The following SPECC1L variants were observed in gnomAD, a reference collection of about 807,000 sequenced individuals.
SPECC1L encodes the protein cytospin-A.
In SPECC1L, 40 loss-of-function variants were observed where a neutral mutation model predicts 116.8. The observed-to-expected ratio is 0.34, with a 90% CI of 0.27 to 0.45. The LOEUF is 0.45. Among genes scored for constraint, SPECC1L ranks in the 20% least tolerant of loss-of-function variants. The probability of loss-of-function intolerance (pLI) is 1.00; values close to 1 mark genes in which losing one functional copy is unlikely to be tolerated. For synonymous variants in SPECC1L, 504 were observed against 500.6 expected, an observed-to-expected ratio of 1.01 and a Z score of -0.09; for missense variants, 1,110 against 1,373.6, an observed-to-expected ratio of 0.81 and a Z score of 3.03.
intron 3 of SPECC1L, among the ~76,000 whole-genome samples, chr22:24,308,079 G>C (rs1376063907): frequency 6.6e-6 from 1 of 151,270 alleles, no homozygotes; most frequent in Non-Finnish European, 1.5e-5. Context: ...GGGGTGGGGG[G>C]GCTGTTTCAG....
intron 11 of SPECC1L, among the ~76,000 whole-genome samples, chr22:24,351,897 G>A (rs1273477305): frequency 6.6e-6 from 1 of 151,944 alleles, no homozygotes; most frequent in Admixed American, 6.6e-5. Context: ...CTGCCTCTTG[G>A]AGAATGGCGT....
Position 24,324,304 on chromosome 22 carries a change from G to A in SPECC1L, c.2023G>A (p.Asp675Asn). The A allele has an allele frequency of 6.2e-7, 1 of 1,614,028 alleles. No individual in the cohort carries two copies. Among genetic ancestry groups the A allele is most frequent in the Non-Finnish European group, 8.5e-7 (1 of 1,179,940 alleles). ...TATGACGTTAGAAAAATTAAGATCA[G>A]ACCTGGATGAAAAAGAAACAGAAAG... ...LNMTLEKLRS[D>N]LDEKETERSD... The change falls in exon 6 of 17, where the codon GAC (aspartate) becomes AAC (asparagine). Residue 675 changes from aspartate to asparagine, a missense_variant. Physicochemically the swap from Asp to Asn is conservative, Grantham distance 23. This residue lies in a region of SPECC1L where 575 missense variants were observed against 682.4 expected (regional missense o/e 0.84). Coordinates refer to ENST00000314328, the MANE Select transcript of SPECC1L (RefSeq NM_015330.6).
rs867684386 is a variant in SPECC1L, at chr22:24,317,079, G to A, written c.307+3613G>A. Among the ~76,000 whole-genome samples, 54 of 116,922 alleles carry A rather than the reference G, an allele frequency of 4.6e-4. 3 individuals are homozygous for A. Among genetic ancestry groups the A allele is most frequent in the African/African-American group, 1.5e-3 (49 of 33,244 alleles). 76.7% of individuals were successfully genotyped at this position (116,922 alleles called of 152,430 possible). A position where few individuals can be genotyped will look rare whatever the true frequency, so the allele number is the denominator to read the frequency against. On this transcript the variant is annotated intron_variant, in intron 4 of 16. Transcript: ENST00000314328. ...TCCCGGAGGGGGTGGCTGGCCGGGC[G>A]GTGGGGCTGACCCCCCCACCTCCCT...
intron 6 of SPECC1L, among the ~76,000 whole-genome samples, chr22:24,324,999 A>G (rs1352907427): frequency 1.3e-5 from 2 of 152,334 alleles, no homozygotes; most frequent in African/African-American, 4.8e-5. Context: ...ATGGGACTCA[A>G]AAGTTATGAA....
At chr22:24,339,483 G>A (rs1017250887) in intron 10 of SPECC1L, among the ~76,000 whole-genome samples, 4 of 152,234 alleles carry the variant, frequency 2.6e-5, no homozygotes, top group African/African-American at 7.2e-5. Context: ...GAGAAGCGGG[G>A]CAGAGGGCTA....
chr22:24,377,578 T>A (rs184544353), intron 14 of SPECC1L, among the ~76,000 whole-genome samples: 2 of 152,312 alleles, frequency 1.3e-5, no homozygotes, highest in East Asian at 3.9e-4. Flanking sequence ...CCTTTGTCAT[T>A]TGGTTAAAGT....
chr22:24,385,076 A>AT (rs2042136402), intron 14 of SPECC1L, among the ~76,000 whole-genome samples: 1 of 151,534 alleles, frequency 6.6e-6, no homozygotes, highest in Non-Finnish European at 1.5e-5. Context: ...AAAAAAAAAA[A>AT]GAAAAAAGAA....
intron 10 of SPECC1L, among the ~76,000 whole-genome samples, chr22:24,339,121 G>A (rs1569426513): frequency 6.6e-6 from 1 of 152,202 alleles, no homozygotes; most frequent in Non-Finnish European, 1.5e-5. Flanking sequence ...AGAGAAGGTG[G>A]GATGGGGCCT....
intron 16 of SPECC1L, 54 bp from the exon 17 acceptor site, chr22:24,414,480 G>T (rs1027059146): frequency 9.3e-6 from 14 of 1,502,186 alleles, no homozygotes; most frequent in Non-Finnish European, 1.3e-5. Flanking sequence ...GAGCCCATTG[G>T]CACAGCCTGG....
intron 4 of SPECC1L, among the ~76,000 whole-genome samples, chr22:24,319,995 T>C (rs2040688787): frequency 2.0e-5 from 3 of 152,240 alleles, no homozygotes; most frequent in African/African-American, 4.8e-5. Flanking sequence ...CTCACGCCTG[T>C]AAATTCAGTG....
At chr22:24,407,225 G>A (rs922507642) in intron 14 of SPECC1L, among the ~76,000 whole-genome samples, 3 of 152,182 alleles carry the variant, frequency 2.0e-5, no homozygotes, top group African/African-American at 4.8e-5. Context: ...TCGTTGTCAG[G>A]TACTCAAATG....
intron 9 of SPECC1L, among the ~76,000 whole-genome samples, chr22:24,335,862 T>C (rs952397077): frequency 1.3e-5 from 2 of 152,096 alleles, no homozygotes; most frequent in Non-Finnish European, 2.9e-5. Flanking sequence ...ATATGTATTA[T>C]GTATAATATA....
chr22:24,341,151 C>T (rs1326895963), intron 10 of SPECC1L, among the ~76,000 whole-genome samples: 1 of 151,962 alleles, frequency 6.6e-6, no homozygotes, highest in Non-Finnish European at 1.5e-5. Flanking sequence ...AAGGAGAAGG[C>T]GACTGCTCGA....
intron 2 of SPECC1L, among the ~76,000 whole-genome samples, chr22:24,286,509 A>G (rs1360566789): frequency 3.9e-5 from 6 of 152,224 alleles, no homozygotes. Context: ...ATTGAGTCAT[A>G]TGGTGTGTTT....
At chr22:24,351,979 ACTCT>A (rs2041434098) in intron 11 of SPECC1L, among the ~76,000 whole-genome samples, 1 of 149,222 alleles carries the variant, frequency 6.7e-6, no homozygotes, top group Non-Finnish European at 1.5e-5. Context: ...ATAGAGCGAG[ACTCT>A]GTCTCAAAAA....
chr22:24,384,331 C>T (rs957220316), intron 14 of SPECC1L, among the ~76,000 whole-genome samples: 1 of 152,012 alleles, frequency 6.6e-6, no homozygotes, highest in Admixed American at 6.6e-5. Flanking sequence ...CACCAGCAGG[C>T]CCATTCTGAA....
intron 11 of SPECC1L, among the ~76,000 whole-genome samples, chr22:24,349,103 C>T (rs1210660152): frequency 2.6e-5 from 4 of 151,996 alleles, no homozygotes; most frequent in Non-Finnish European, 5.9e-5. Context: ...TGCAGTGGCA[C>T]GATATCAACT....
chr22:24,383,316 C>T (rs62233981), intron 14 of SPECC1L, among the ~76,000 whole-genome samples: 3 of 152,188 alleles, frequency 2.0e-5, no homozygotes, highest in African/African-American at 4.8e-5. Flanking sequence ...GTGGCTCATA[C>T]CTGTAATCCT....
intron 1 of SPECC1L, among the ~76,000 whole-genome samples, chr22:24,274,364 A>G (rs1440495989): frequency 6.6e-6 from 1 of 152,260 alleles, no homozygotes; most frequent in African/African-American, 2.4e-5. Context: ...GTGCTCTTCT[A>G]TTAATTTCAA....
Sources: gnomAD v4.1 joint callset for allele counts (sites outside exome capture counted in the v4.1 genomes callset) on GRCh38, gnomAD v4.1.1 for gene constraint, gnomAD v4.1.1 regional missense constraint, MANE v1.5 for transcripts, NCBI Gene and HGNC (gene_info 2026-07-23, HGNC 2026-07-21) for gene names.